Variants in DNAJC10 observed in about 807,000 individuals in gnomAD.
The protein encoded by DNAJC10 is DnaJ heat shock protein family (Hsp40) member C10.
A neutral mutation model predicts 115.0 loss-of-function variants in DNAJC10; 101 were observed. That is an observed-to-expected ratio of 0.88 (90% CI 0.75 to 1.04). The LOEUF (loss-of-function observed/expected upper bound fraction) is 1.04. Ranked by LOEUF, DNAJC10 falls within the 50% of genes least tolerant of loss-of-function variation. The pLI, the probability that DNAJC10 is intolerant of heterozygous loss-of-function variation, is 0.00. For missense variants in DNAJC10, 981 were observed against 928.8 expected (o/e 1.06, Z -0.73); for synonymous variants, 307 against 301.5 (o/e 1.02, Z -0.19).
chr2:182,725,773 C>T (rs1396889837), intron 5 of DNAJC10, among the ~76,000 whole-genome samples: 1 of 152,226 alleles, frequency 6.6e-6, no homozygotes, highest in South Asian at 2.1e-4. Flanking sequence ...AGCAAGTTTT[C>T]CAGAAGATCT....
intron 10 of DNAJC10, among the ~76,000 whole-genome samples, chr2:182,733,926 C>G (rs982045126): frequency 6.6e-6 from 1 of 151,122 alleles, no homozygotes; most frequent in Non-Finnish European, 1.5e-5. Flanking sequence ...TACATAATAT[C>G]CTATTTTTTT....
Position 182,759,234 on chromosome 2 carries a change from G to C in DNAJC10, c.2072G>C (p.Trp691Ser), listed in dbSNP as rs1694232470. The change falls in exon 21 of 24, where the codon TGG becomes TCG. Residue 691 changes from tryptophan to serine, a missense_variant. Physicochemically the swap from Trp to Ser is radical, Grantham distance 177. Transcript: ENST00000264065. ...AAAGTTCTACAAGGGAAAAATCATT[G>C]GGTGATTGATTTCTATGCTCCTTGG... Reference protein sequence around the residue: ...SEKVLQGKNHWVIDFYAPWCG... With the variant: ...SEKVLQGKNHSVIDFYAPWCG... The C allele has an allele frequency of 6.2e-7, 1 of 1,610,692 alleles. No homozygotes were observed. Among genetic ancestry groups the C allele is most frequent in the Admixed American group, 1.7e-5 (1 of 59,192 alleles).
chr2:182,722,068 A>G lies in DNAJC10; in HGVS notation c.411A>G (p.Arg137=). ...CTGAAATCATAACATTGGAAAGAAG[A>G]GAATTTGGTAAGTTTGTGGGCTTAA... ...DDPEIITLER[R]EFDAAVNSGE... is the part of the protein sequence containing the mutation. Residue 137 remains arginine (R), a synonymous_variant, in exon 5 of 24, where the codon AGA becomes AGG. Coordinates refer to ENST00000264065, the MANE Select transcript of DNAJC10 (RefSeq NM_018981.4). 1 of 1,565,354 alleles carries G rather than the reference A, an allele frequency of 6.4e-7. No homozygotes were observed. Among genetic ancestry groups the G allele is most frequent in the Non-Finnish European group, 8.7e-7 (1 of 1,151,128 alleles).
At position 182,743,653 on chromosome 2, in the gene DNAJC10, T is replaced by C; in HGVS notation, c.1247T>C (p.Phe416Ser). The C allele has an allele frequency of 6.2e-7, 1 of 1,613,854 alleles. No homozygotes were observed. Among genetic ancestry groups the C allele is most frequent in the Non-Finnish European group, 8.5e-7 (1 of 1,179,838 alleles). Reference sequence around the variant, plus strand: ...GACATCTGTAGTAATCTGTATGTTTTTCAGCCGTCTCTAGCAGTATTTAAA... The same window carrying C: ...GACATCTGTAGTAATCTGTATGTTTCTCAGCCGTCTCTAGCAGTATTTAAA... Reference protein sequence around the residue: ...APDICSNLYVFQPSLAVFKGQ... With the variant: ...APDICSNLYVSQPSLAVFKGQ... The change falls in exon 14 of 24, where the codon TTT becomes TCT. Residue 416 changes from phenylalanine to serine, a missense_variant. Phe to Ser is a radical substitution (Grantham distance 155, BLOSUM62 -2). Coordinates refer to ENST00000264065, the MANE Select transcript of DNAJC10 (RefSeq NM_018981.4).
chr2:182,740,451 T>C, intron 12 of DNAJC10, 63 bp downstream of exon 12: 1 of 1,432,426 alleles, frequency 7.0e-7, no homozygotes, highest in South Asian at 1.4e-5. Flanking sequence ...GGTCTTAACA[T>C]TTTAAAATTA....
intron 5 of DNAJC10, among the ~76,000 whole-genome samples, chr2:182,722,556 G>A (rs1415254312): frequency 8.6e-6 from 1 of 115,994 alleles, no homozygotes; most frequent in Non-Finnish European, 1.9e-5. Context: ...GTAATAATAG[G>A]TTTATTTTTT....
At chr2:182,763,735 A>G (rs1229800528) in intron 22 of DNAJC10, among the ~76,000 whole-genome samples, 2 of 152,086 alleles carry the variant, frequency 1.3e-5, no homozygotes, top group Non-Finnish European at 2.9e-5. Flanking sequence ...ATATATTGCC[A>G]TGCTCCCCCG....
chr2:182,771,612 T>C (rs1249533681), intron 22 of DNAJC10, among the ~76,000 whole-genome samples: 2 of 152,120 alleles, frequency 1.3e-5, no homozygotes, highest in African/African-American at 4.8e-5. Flanking sequence ...AGTTTATTTG[T>C]GTAGAGGTGT....
At position 182,718,063 on chromosome 2, in the gene DNAJC10, AT is replaced by A; in HGVS notation, c.-23del. 1 of 1,555,206 alleles carries A rather than the reference AT, an allele frequency of 6.4e-7. No individual in the cohort carries two copies. The highest frequency in any genetic ancestry group is 8.7e-7 in the Non-Finnish European group (1 of 1,143,804). On this transcript the variant is annotated 5_prime_UTR_variant, in exon 3 of 24. Transcript: ENST00000264065. Reference sequence around the variant, plus strand: ...GCAGTGAATCTTAATGTTCACTTAAATCAGAACTTGCATAAGAAAGAGAATG... The same window carrying A: ...GCAGTGAATCTTAATGTTCACTTAAACAGAACTTGCATAAGAAAGAGAATG...
intron 21 of DNAJC10, among the ~76,000 whole-genome samples, chr2:182,760,183 A>G (rs1211082318): frequency 6.6e-6 from 1 of 152,012 alleles, no homozygotes. Flanking sequence ...CTCTCTCTAA[A>G]ATGCTCTGTC....
chr2:182,731,197 A>G (rs950857731), intron 9 of DNAJC10, 90 bp downstream of exon 9: 2 of 835,806 alleles, frequency 2.4e-6, no homozygotes, highest in Non-Finnish European at 1.9e-6. Flanking sequence ...ATTGATTATT[A>G]AGTACTAGAA....
chr2:182,748,163 T>A (rs564242085), intron 14 of DNAJC10, among the ~76,000 whole-genome samples: 68 of 150,146 alleles, frequency 4.5e-4, no homozygotes, highest in African/African-American at 1.6e-3. Flanking sequence ...TGCATCAATG[T>A]TCATCAAGGA....
In DNAJC10 at chr2:182,779,215, TTATA is replaced by T. The variant is rs1013668117; in HGVS notation, c.*2086_*2089del. The T allele has an allele frequency of 9.9e-5, 15 of 152,226 alleles. No homozygotes were observed. Among genetic ancestry groups the T allele is most frequent in the African/African-American group, 3.6e-4 (15 of 41,472 alleles). 9.4% of individuals were successfully genotyped at this position (152,226 alleles called of 1,614,324 possible). On this transcript the variant is annotated 3_prime_UTR_variant, in exon 24 of 24. Coordinates refer to ENST00000264065, the MANE Select transcript of DNAJC10 (RefSeq NM_018981.4). ...TAAAGTGACATACATCAAGGTTATC[TTATA>T]TAGTCATAACAGTATTATTGGGTCT...
At chr2:182,726,906 G>A (rs1029164025) in intron 5 of DNAJC10, among the ~76,000 whole-genome samples, 2 of 151,900 alleles carry the variant, frequency 1.3e-5, no homozygotes, top group African/African-American at 2.4e-5. Flanking sequence ...TATTTTTATA[G>A]AGACAGGGTC....
chr2:182,793,467 ACTGAGAAC>A lies in DNAJC10; in HGVS notation c.*16337_*16344del, dbSNP rs894797998. 1 of 152,190 alleles carries A rather than the reference ACTGAGAAC, an allele frequency of 6.6e-6. No individual in the cohort carries two copies. The highest frequency in any genetic ancestry group is 6.5e-5 in the Admixed American group (1 of 15,270). The allele number at this position is 152,190 out of a possible 1,614,324, so 9.4% of individuals were successfully genotyped here. On this transcript the variant is annotated 3_prime_UTR_variant, in exon 24 of 24. Coordinates refer to ENST00000264065, the MANE Select transcript of DNAJC10 (RefSeq NM_018981.4). ...AAGAACAATTCATCCATCAGGCAGC[ACTGAGAAC>A]CAGAAGACATTCAGAGAGCTCTGCT...
Position 182,752,154 on chromosome 2 carries a change from T to G in DNAJC10, c.1517T>G (p.Leu506Arg). 6.2e-7 allele frequency: 1 copy of G among 1,611,536 alleles called. No homozygotes were observed. Residue 506 changes from leucine to arginine, a missense_variant, in exon 16 of 24, where the codon CTA (leucine) becomes CGA (arginine). Physicochemically the swap from Leu to Arg is moderately radical, Grantham distance 102 (BLOSUM62 -2). Coordinates refer to ENST00000264065, the MANE Select transcript of DNAJC10 (RefSeq NM_018981.4). ...LLYGQLKFGTLDCTVHEGLCN... is the reference protein window; with the variant it reads ...LLYGQLKFGTRDCTVHEGLCN... The stretch of plus-strand genomic sequence containing the variant: ...TATGGTCAGCTTAAGTTTGGTACAC[T>G]AGATTGTACAGTTCATGAGGGACTC...
rs1695097668 is a variant in DNAJC10, at chr2:182,793,876, AAAAT to A, written c.*16747_*16750del. Reference sequence around the variant, plus strand: ...CACACACACACACACTACCTACAAAAAAATAACAATTAGAAAGTAATTGGAGCTT... The same window carrying A: ...CACACACACACACACTACCTACAAAAAACAATTAGAAAGTAATTGGAGCTT... On this transcript the variant is annotated 3_prime_UTR_variant, in exon 24 of 24. Transcript: ENST00000264065. 6.8e-6 allele frequency: 1 copy of A among 148,100 alleles called. No homozygotes were observed. The highest frequency in any genetic ancestry group is 6.7e-5 in the Admixed American group (1 of 14,900). 9.2% of individuals were successfully genotyped at this position (148,100 alleles called of 1,614,324 possible). A position where few individuals can be genotyped will look rare whatever the true frequency, so the allele number is the denominator to read the frequency against.
intron 14 of DNAJC10, among the ~76,000 whole-genome samples, chr2:182,748,621 T>C (rs1693934919): frequency 6.6e-6 from 1 of 152,206 alleles, no homozygotes; most frequent in Non-Finnish European, 1.5e-5. Context: ...TCTTCTCTCT[T>C]TTTTTCCTTA....
At chr2:182,724,744 C>A (rs1043679933) in intron 5 of DNAJC10, among the ~76,000 whole-genome samples, 1 of 152,082 alleles carries the variant, frequency 6.6e-6, no homozygotes, top group Non-Finnish European at 1.5e-5. Context: ...TGGAAAGTTG[C>A]ATTTTGAAAT....
Sources: allele counts gnomAD v4.1 joint callset (sites outside exome capture counted in the v4.1 genomes callset), GRCh38; gene constraint gnomAD v4.1.1; transcripts MANE v1.5; gene names NCBI Gene and HGNC (gene_info 2026-07-23, HGNC 2026-07-21).